Variants in SEC16A observed in about 807,000 individuals in gnomAD.
The protein encoded by SEC16A is protein transport protein Sec16A.
A neutral mutation model predicts 221.9 loss-of-function variants in SEC16A; 110 were observed. The observed-to-expected ratio is 0.50, with a 90% CI of 0.42 to 0.58. The LOEUF is 0.58. SEC16A is among the 20% of genes least tolerant of loss of function. SEC16A has a pLI of 0.00. For synonymous variants in SEC16A, 1,393 were observed against 1,257.7 expected, an observed-to-expected ratio of 1.11 and a Z score of -2.28; for missense variants, 3,165 against 3,097.8, an observed-to-expected ratio of 1.02 and a Z score of -0.52.
Position 136,474,639 on chromosome 9 carries a change from C to G in SEC16A, c.2977G>C (p.Ala993Pro). ...HSSHQEDTYGALDFTLSRTLE... is the reference protein window; with the variant it reads ...HSSHQEDTYGPLDFTLSRTLE... ...GTCCTGCTTAAGGTAAAGTCTAGGGCTCCGTAAGTGTCTTCCTGATGACTG... is the reference window on the plus strand; with the variant it reads ...GTCCTGCTTAAGGTAAAGTCTAGGGGTCCGTAAGTGTCTTCCTGATGACTG... Residue 993 changes from alanine to proline, a missense_variant, in exon 3 of 32, where the codon GCC becomes CCC. Around this residue, in one of 3 missense-constraint regions of SEC16A, gnomAD observed 2,030 missense variants for 1,923.1 expected, o/e 1.06. Coordinates refer to ENST00000684901, the MANE Select transcript of SEC16A (RefSeq NM_014866.2). 1 of 1,613,408 alleles carries G rather than the reference C, an allele frequency of 6.2e-7. No individual in the cohort carries two copies. Among genetic ancestry groups the G allele is most frequent in the Non-Finnish European group, 8.5e-7 (1 of 1,179,838 alleles).
At chr9:136,463,302 C>T (rs1839749124) in intron 11 of SEC16A, among the ~76,000 whole-genome samples, 161 bp downstream of exon 11, 1 of 152,236 alleles carries the variant, frequency 6.6e-6, no homozygotes, top group Admixed American at 6.5e-5. Flanking sequence ...CGTTCCCTCT[C>T]CCTCCCTACC....
rs1376357056 is a variant in SEC16A at position 136,476,853 on chromosome 9, T to C, written c.763A>G (p.Ile255Val). The stretch of plus-strand genomic sequence containing the variant: ...TCATGACCAGGGCCCTGATGTAGGA[T>C]GGACGGGGTGGGGAAATGAGGAACG... ...TSVPHFPTPSILHQGPGHEQH... is the reference protein window; with the variant it reads ...TSVPHFPTPSVLHQGPGHEQH... The change falls in exon 3 of 32, where the codon ATC becomes GTC. Residue 255 changes from isoleucine (I) to valine (V), a missense_variant. Transcript: ENST00000684901. 26 of 1,611,898 alleles carry C rather than the reference T, an allele frequency of 1.6e-5. No individual in the cohort carries two copies. The highest frequency in any genetic ancestry group is 2.1e-5 in the Non-Finnish European group (25 of 1,179,170).
intron 8 of SEC16A, among the ~76,000 whole-genome samples, chr9:136,465,682 G>C (rs1444115910): frequency 2.0e-5 from 3 of 152,310 alleles, no homozygotes; most frequent in East Asian, 3.9e-4. Context: ...ATGTGATCAG[G>C]GGCTGCCCAG....
Position 136,447,866 on chromosome 9 carries a change from T to C in SEC16A, c.6434A>G (p.Glu2145Gly). The C allele has an allele frequency of 6.2e-7, 1 of 1,609,824 alleles. No homozygotes were observed. Among genetic ancestry groups the C allele is most frequent in the South Asian group, 1.1e-5 (1 of 90,276 alleles). Reference sequence around the variant, plus strand: ...ATGACAATTTACCTCCTCTTCTGGCTCATTTAAATTCACCCACTGGTTTTT... The same window carrying C: ...ATGACAATTTACCTCCTCTTCTGGCCCATTTAAATTCACCCACTGGTTTTT... ...EKKNQWVNLN[E>G]PEEEKKAPPP... Residue 2145 changes from glutamate to glycine, a missense_variant, in exon 25 of 32, where the codon GAG (glutamate) becomes GGG (glycine). Around this residue, in one of 3 missense-constraint regions of SEC16A, gnomAD observed 1,088 missense variants for 1,089.6 expected, o/e 1.00. Coordinates refer to ENST00000684901, the MANE Select transcript of SEC16A (RefSeq NM_014866.2). This position sits in a 1 kb window ranked among gnomAD's most constrained non-coding sequence, Gnocchi z 5.5.
rs1383039076 is a variant in SEC16A at position 136,483,016 on chromosome 9, C to T, written c.-270G>A. 1 of 985,252 alleles carries T rather than the reference C, an allele frequency of 1.0e-6. No homozygotes were observed. The highest frequency in any genetic ancestry group is 1.2e-6 in the Non-Finnish European group (1 of 829,804). 61.0% of individuals were successfully genotyped at this position (985,252 alleles called of 1,614,324 possible). Reference sequence around the variant, plus strand: ...CTGGCGACGAGCACAGACACCTCAGCCGCCGCAGCCATCTTGGCACATCCG... The same window carrying T: ...CTGGCGACGAGCACAGACACCTCAGTCGCCGCAGCCATCTTGGCACATCCG... On this transcript the variant is annotated 5_prime_UTR_variant, in exon 1 of 32. Transcript: ENST00000684901.
chr9:136,475,009 T>G lies in SEC16A; in HGVS notation c.2607A>C (p.Ala869=). The change falls in exon 3 of 32, where the codon GCA becomes GCC. Residue 869 remains alanine, a synonymous_variant. Transcript: ENST00000684901. The surrounding 1 kb of genome is among the most constrained non-coding windows in gnomAD (Gnocchi z 5.0). ...WREALVGDRP[A]VSSWALGGDS... ...CACCACCGAGAGCCCAACTGCTGAC[T>G]GCAGGTCTATCCCCCACCAAAGCCT... 6.2e-7 allele frequency: 1 copy of G among 1,612,938 alleles called. No individual in the cohort carries two copies. The highest frequency in any genetic ancestry group is 1.1e-5 in the South Asian group (1 of 91,052).
In SEC16A at chr9:136,466,992, G is replaced by A. The variant is rs761137267; in HGVS notation, c.3894C>T (p.Asp1298=). Residue 1298 remains aspartate (D), a synonymous_variant, in exon 6 of 32, where the codon GAC becomes GAT. Coordinates refer to ENST00000684901, the MANE Select transcript of SEC16A (RefSeq NM_014866.2). This position sits in a 1 kb window ranked among gnomAD's most constrained non-coding sequence, Gnocchi z 5.5. ...AGGCAGAGTGCTCTCTCCTGTATGC[G>A]TCATACTCTGCATCACACCAATACC... ...DRRYWCDAEY[D]AYRREHSAFG... 6.1e-5 allele frequency: 98 copies of A among 1,613,664 alleles called. No individual in the cohort carries two copies. In the East Asian group the frequency reaches 1.1e-3, roughly 19 times the overall value.
At chr9:136,455,155 G>A (rs777068279) in intron 20 of SEC16A, among the ~76,000 whole-genome samples, 5 of 152,212 alleles carry the variant, frequency 3.3e-5, no homozygotes, top group East Asian at 3.9e-4. Flanking sequence ...GAAGGAAGCC[G>A]AGAAGCGCGA....
At position 136,441,770 on chromosome 9, in the gene SEC16A, G is replaced by A. The variant is rs1360054413; in HGVS notation, c.7059C>T (p.His2353=). 1 of 1,613,324 alleles carries A rather than the reference G, an allele frequency of 6.2e-7. No individual in the cohort carries two copies. Among genetic ancestry groups the A allele is most frequent in the African/African-American group, 1.3e-5 (1 of 74,910 alleles). The change falls in exon 32 of 32, where the codon CAC becomes CAT. Residue 2353 remains histidine (H), a synonymous_variant. Coordinates refer to ENST00000684901, the MANE Select transcript of SEC16A (RefSeq NM_014866.2). ...SRLGRIGQRK[H]LVLN ...CAGGGCAAGCCTAGTTCAGCACCAG[G>A]TGCTTCCTCTGGCCAATCCTCCCTA...
At position 136,474,852 on chromosome 9, in the gene SEC16A, C is replaced by T; in HGVS notation, c.2764G>A (p.Ala922Thr). 5.0e-6 allele frequency: 8 copies of T among 1,613,942 alleles called. No individual in the cohort carries two copies. Among genetic ancestry groups the T allele is most frequent in the Non-Finnish European group, 6.8e-6 (8 of 1,179,890 alleles). The part of the protein sequence containing the change: ...GASEMVSNQP[A>T]NLLVQPPSQP... ...GATGGTGGTTGAACCAGCAAATTAG[C>T]AGGCTGATTAGAAACCATTTCGGAA... Residue 922 changes from alanine (A) to threonine (T), a missense_variant, in exon 3 of 32, where the codon GCT becomes ACT. Coordinates refer to ENST00000684901, the MANE Select transcript of SEC16A (RefSeq NM_014866.2).
intron 12 of SEC16A, among the ~76,000 whole-genome samples, chr9:136,462,180 A>G (rs2132380974): frequency 6.6e-6 from 1 of 152,314 alleles, no homozygotes; most frequent in African/African-American, 2.4e-5. Context: ...ATATAAAAGG[A>G]CAGAAAACTC....
At position 136,445,038 on chromosome 9, in the gene SEC16A, C is replaced by T; in HGVS notation, c.6927+14G>A. On this transcript the variant is annotated intron_variant, in intron 30 of 31. Coordinates refer to ENST00000684901, the MANE Select transcript of SEC16A (RefSeq NM_014866.2). ...CCAGCTCTCATGTTAGTGAGGACCA[C>T]CAGCCGCAGGTACCTGATTAAAATG... is the stretch of plus-strand genomic sequence containing the variant. 6.2e-7 allele frequency: 1 copy of T among 1,601,656 alleles called. No individual in the cohort carries two copies. The highest frequency in any genetic ancestry group is 2.2e-5 in the East Asian group (1 of 44,482).
chr9:136,445,740 T>G (rs929286835), intron 28 of SEC16A, 21 bp from the exon 29 acceptor site: 30 of 1,547,604 alleles, frequency 1.9e-5, no homozygotes, highest in Middle Eastern at 1.7e-4. Flanking sequence ...AAAGAAGAAT[T>G]GCAGCAACCA....
rs1840957497 is a variant in SEC16A at position 136,472,117 on chromosome 9, G to A, written c.3568-6C>T. The A allele has an allele frequency of 1.2e-6, 2 of 1,613,564 alleles. No individual in the cohort carries two copies. Among genetic ancestry groups the A allele is most frequent in the Non-Finnish European group, 1.7e-6 (2 of 1,179,846 alleles). On this transcript the variant is annotated splice_region_variant and splice_polypyrimidine_tract_variant and intron_variant, in intron 3 of 31. Coordinates refer to ENST00000684901, the MANE Select transcript of SEC16A (RefSeq NM_014866.2). ...TCATAGAGGCTGTAGACATCCTGTGGGAGGAAGCATTTGGGCAGGATTAGA... is the reference window on the plus strand; with the variant it reads ...TCATAGAGGCTGTAGACATCCTGTGAGAGGAAGCATTTGGGCAGGATTAGA...
intron 8 of SEC16A, among the ~76,000 whole-genome samples, 183 bp from the exon 9 acceptor site, chr9:136,464,745 A>T (rs1348131125): frequency 6.6e-6 from 1 of 152,252 alleles, no homozygotes; most frequent in Non-Finnish European, 1.5e-5. Flanking sequence ...TACGTCAGGA[A>T]AAGAAAAATG....
At chr9:136,472,798 C>A (rs1435431100) in intron 3 of SEC16A, among the ~76,000 whole-genome samples, 1 of 152,256 alleles carries the variant, frequency 6.6e-6, no homozygotes, top group Non-Finnish European at 1.5e-5. Flanking sequence ...CTGCCGCTGC[C>A]TGGCAGGAAA....
At chr9:136,460,930 G>A (rs577065208) in intron 13 of SEC16A, among the ~76,000 whole-genome samples, 20 of 152,318 alleles carry the variant, frequency 1.3e-4, no homozygotes, top group African/African-American at 3.8e-4. Context: ...AGCTATAAAA[G>A]ATGAAGACTG....
rs773130461 is a variant in SEC16A, at chr9:136,459,151, G to A, written c.5392C>T (p.Pro1798Ser). ...CTGCTTACCTGGAAACTAGGCAGGGGGCAGGTCTCGGCACCCAGGGACTGG... is the reference window on the plus strand; with the variant it reads ...CTGCTTACCTGGAAACTAGGCAGGGAGCAGGTCTCGGCACCCAGGGACTGG... ...YAQSLGAETC[P>S]LPSFQVFKFI... The change falls in exon 17 of 32, where the codon CCC (proline) becomes TCC (serine). Residue 1798 changes from proline to serine, a missense_variant. Physicochemically the swap from Pro to Ser is moderately conservative, Grantham distance 74 (BLOSUM62 -1). Coordinates refer to ENST00000684901, the MANE Select transcript of SEC16A (RefSeq NM_014866.2). The surrounding 1 kb of genome is among the most constrained non-coding windows in gnomAD (Gnocchi z 6.1). 2.5e-6 allele frequency: 4 copies of A among 1,611,526 alleles called. No homozygotes were observed. The South Asian group carries it at 3.3e-5, about 13-fold the overall frequency.
Position 136,476,779 on chromosome 9 carries a change from T to G in SEC16A, c.837A>C (p.Gly279=). The G allele has an allele frequency of 6.2e-7, 1 of 1,611,538 alleles. No homozygotes were observed. The highest frequency in any genetic ancestry group is 1.7e-5 in the Admixed American group (1 of 59,874). ...VAPPAALPSD[G]RDEVSHLQSG... is the part of the protein sequence containing the mutation. ...TTTGCAAGTGGCTCACCTCGTCTCT[T>G]CCGTCACTGGGCAAGGCTGCTGGGG... Residue 279 remains glycine, a synonymous_variant, in exon 3 of 32, where the codon GGA becomes GGC. Coordinates refer to ENST00000684901, the MANE Select transcript of SEC16A (RefSeq NM_014866.2).
Sources: gnomAD v4.1 joint callset for allele counts (sites outside exome capture counted in the v4.1 genomes callset) on GRCh38, gnomAD v4.1.1 for gene constraint, gnomAD v4.1.1 regional missense constraint, Gnocchi (gnomAD v3.1) non-coding constraint, MANE v1.5 for transcripts, NCBI Gene and HGNC (gene_info 2026-07-23, HGNC 2026-07-21) for gene names.